Variants in C10orf67 observed in about 807,000 individuals in gnomAD.
The protein encoded by C10orf67 is chromosome 10 open reading frame 67, also known as uncharacterized protein C10orf67, mitochondrial.
Under a neutral mutation model 35.6 loss-of-function variants are expected in C10orf67, and 60 were observed. The ratio of observed to expected loss-of-function variants is 1.68; its 90% confidence interval spans 1.37 to 2.09. The LOEUF (loss-of-function observed/expected upper bound fraction) is 2.09. Among genes scored for constraint, C10orf67 ranks in the 30% most tolerant of loss-of-function variants. The pLI is 0.00. For synonymous variants in C10orf67, 167 were observed against 115.8 expected (o/e 1.44, Z -2.84); for missense variants, 474 against 330.2 (o/e 1.44, Z -3.38).
chr10:23,229,497 G>T (rs1335364046), intron 13 of C10orf67, among the ~76,000 whole-genome samples: 1 of 151,624 alleles, frequency 6.6e-6, no homozygotes, highest in Non-Finnish European at 1.5e-5. Context: ...ATGAGTTAAC[G>T]GGTGCAGCAC....
chr10:23,325,788 A>T (rs2132356956), intron 2 of C10orf67, among the ~76,000 whole-genome samples: 1 of 152,206 alleles, frequency 6.6e-6, no homozygotes, highest in African/African-American at 2.4e-5. Flanking sequence ...TAAAGCAGTT[A>T]TTATAACTAT....
At chr10:23,228,028 G>T (rs950289696) in intron 13 of C10orf67, among the ~76,000 whole-genome samples, 9 of 152,154 alleles carry the variant, frequency 5.9e-5, no homozygotes, top group African/African-American at 1.9e-4. Context: ...GGAATTTATA[G>T]ATTCAATGCC....
intron 13 of C10orf67, among the ~76,000 whole-genome samples, chr10:23,226,548 A>T (rs1393930274): frequency 6.6e-6 from 1 of 152,180 alleles, no homozygotes; most frequent in Admixed American, 6.5e-5. Flanking sequence ...ACAAGAGCAA[A>T]TACATTCAAA....
chr10:23,262,449 G>A (rs933167314), intron 10 of C10orf67, among the ~76,000 whole-genome samples: 3 of 152,166 alleles, frequency 2.0e-5, no homozygotes, highest in Non-Finnish European at 4.4e-5. Context: ...ATCATCTGTG[G>A]TCAGGACCTC....
intron 12 of C10orf67, among the ~76,000 whole-genome samples, chr10:23,249,933 G>T (rs189238739): frequency 2.0e-5 from 3 of 152,234 alleles, no homozygotes; most frequent in African/African-American, 4.8e-5. Flanking sequence ...AATTTGCATC[G>T]TTTTTGTCCT....
chr10:23,274,666 A>C (rs1843131176), intron 8 of C10orf67, among the ~76,000 whole-genome samples: 1 of 152,104 alleles, frequency 6.6e-6, no homozygotes, highest in Non-Finnish European at 1.5e-5. Flanking sequence ...CACTGATTTT[A>C]TATTGTTCAA....
intron 13 of C10orf67, among the ~76,000 whole-genome samples, chr10:23,227,424 G>T (rs908388253): frequency 6.6e-6 from 1 of 152,148 alleles, no homozygotes; most frequent in African/African-American, 2.4e-5. Context: ...ATTAGGTATT[G>T]ATGGGACATA....
At chr10:23,327,555 G>A (rs952137118) in intron 2 of C10orf67, among the ~76,000 whole-genome samples, 19 of 152,086 alleles carry the variant, frequency 1.2e-4, no homozygotes, top group Non-Finnish European at 2.2e-4. Flanking sequence ...GGCCAGGCAC[G>A]TTGGCTCACA....
chr10:23,329,811 A>AAAAG (rs1045451213), intron 2 of C10orf67, among the ~76,000 whole-genome samples: 6 of 149,768 alleles, frequency 4.0e-5, no homozygotes, highest in East Asian at 4.1e-4. Context: ...AAAAAAAAAA[A>AAAAG]AAAAAGAAAA....
At chr10:23,279,898 T>C (rs1295535529) in intron 8 of C10orf67, among the ~76,000 whole-genome samples, 1 of 152,112 alleles carries the variant, frequency 6.6e-6, no homozygotes, top group Non-Finnish European at 1.5e-5. Context: ...TCGCCCGGGC[T>C]GAAAAGCAGT....
chr10:23,297,993 C>T lies in C10orf67; in HGVS notation c.702+5311G>A, dbSNP rs576745387. On this transcript the variant is annotated intron_variant, in intron 5 of 15. Coordinates refer to ENST00000636213, the MANE Select transcript of C10orf67 (RefSeq NM_001371909.1). ...CAACCCGGCCGGGCATGTTGGCTCA[C>T]GCCTATAATCCTAGCACTTTGGGAA... 7.8e-4 allele frequency among the ~76,000 whole-genome samples: 119 copies of T among 152,278 alleles called. 1 individual carries two copies. Among genetic ancestry groups the T allele is most frequent in the South Asian group, 6.8e-3 (33 of 4,820 alleles).
At chr10:23,211,456 G>GCT (rs1841302717) in intron 15 of C10orf67, among the ~76,000 whole-genome samples, 1 of 142,644 alleles carries the variant, frequency 7.0e-6, no homozygotes, top group Non-Finnish European at 1.5e-5. Context: ...TTTGTGAGGC[G>GCT]GTGTGTGTGT....
intron 7 of C10orf67, among the ~76,000 whole-genome samples, chr10:23,287,181 A>C (rs934632309): frequency 6.6e-6 from 1 of 152,218 alleles, no homozygotes; most frequent in African/African-American, 2.4e-5. Flanking sequence ...AATCCTAAGC[A>C]AAAAGAACAA....
In C10orf67 at chr10:23,282,100, AT is replaced by A. The variant is rs1047514177; in HGVS notation, c.910-23del. 2.3e-5 allele frequency: 12 copies of A among 532,020 alleles called. No individual in the cohort carries two copies. In the Admixed American group the frequency reaches 2.7e-4, roughly 12 times the overall value. The allele number at this position is 532,020 out of a possible 1,614,324, so 33.0% of individuals were successfully genotyped here. ...TTAACTGAAATAGAGAAGAAATTATATTTTTATTAAAGATAAGAACAGAACA... is the reference window on the plus strand; with the variant it reads ...TTAACTGAAATAGAGAAGAAATTATATTTTATTAAAGATAAGAACAGAACA... On this transcript the variant is annotated intron_variant, in intron 7 of 15. Coordinates refer to ENST00000636213, the MANE Select transcript of C10orf67 (RefSeq NM_001371909.1).
intron 2 of C10orf67, among the ~76,000 whole-genome samples, chr10:23,326,723 C>T (rs1472405784): frequency 1.3e-5 from 2 of 152,064 alleles, no homozygotes; most frequent in African/African-American, 4.8e-5. Context: ...GGGTGGTAAA[C>T]AGTTACAAGG....
chr10:23,246,566 A>G (rs1396018601), intron 12 of C10orf67, among the ~76,000 whole-genome samples: 1 of 152,196 alleles, frequency 6.6e-6, no homozygotes. Context: ...GGACATCACC[A>G]GATCTTACAG....
intron 8 of C10orf67, 56 bp from the exon 9 acceptor site, chr10:23,267,310 A>T: frequency 1.5e-6 from 1 of 657,176 alleles, no homozygotes; most frequent in East Asian, 2.7e-5. Flanking sequence ...TAAAAAAGAC[A>T]ATTTTCTATA....
intron 2 of C10orf67, among the ~76,000 whole-genome samples, chr10:23,326,356 C>T (rs1845191777): frequency 6.6e-6 from 1 of 152,140 alleles, no homozygotes. Context: ...TTCTTAGACA[C>T]TATTAAAGCC....
intron 15 of C10orf67, among the ~76,000 whole-genome samples, chr10:23,218,209 G>A (rs1174472935): frequency 6.6e-6 from 1 of 152,108 alleles, no homozygotes; most frequent in Non-Finnish European, 1.5e-5. Context: ...GCGCCATCAT[G>A]GCACACTGCA....
Sources: allele counts gnomAD v4.1 joint callset (sites outside exome capture counted in the v4.1 genomes callset), GRCh38; gene constraint gnomAD v4.1.1; transcripts MANE v1.5; gene names NCBI Gene and HGNC (gene_info 2026-07-23, HGNC 2026-07-21).